The following DHX35 variants were observed in gnomAD, a reference collection of about 807,000 sequenced individuals.
The protein encoded by DHX35 is DEAH-box helicase 35, also known as probable ATP-dependent RNA helicase DHX35.
Under a neutral mutation model 99.6 loss-of-function variants are expected in DHX35, and 84 were observed. The observed-to-expected ratio is 0.84, with a 90% CI of 0.71 to 1.01. DHX35 has a LOEUF of 1.01. DHX35 is among the 50% of genes least tolerant of loss of function. The pLI is 0.00. For synonymous variants in DHX35, 331 were observed against 316.2 expected, an observed-to-expected ratio of 1.05 and a Z score of -0.50; for missense variants, 852 against 888.5, an observed-to-expected ratio of 0.96 and a Z score of 0.52.
intron 17 of DHX35, among the ~76,000 whole-genome samples, chr20:39,024,125 G>A (rs567553883): frequency 6.6e-6 from 1 of 152,356 alleles, no homozygotes; most frequent in African/African-American, 2.4e-5. Context: ...GGTGAATGAG[G>A]CTGAGAGCAA....
At chr20:38,972,199 AG>A in intron 2 of DHX35, among the ~76,000 whole-genome samples, 1 of 152,008 alleles carries the variant, frequency 6.6e-6, no homozygotes, top group Middle Eastern at 3.4e-3. Context: ...TAGTAGAGAC[AG>A]GGTTTCACCA....
intron 1 of DHX35, among the ~76,000 whole-genome samples, chr20:38,967,676 A>G (rs151107310): frequency 6.6e-6 from 1 of 152,222 alleles, no homozygotes; most frequent in Non-Finnish European, 1.5e-5. Context: ...TGGCTTCCCT[A>G]TTCTTCACCA....
chr20:38,967,406 AT>A (rs933855299), intron 1 of DHX35, among the ~76,000 whole-genome samples: 15 of 152,062 alleles, frequency 9.9e-5, no homozygotes, highest in Non-Finnish European at 2.2e-4. Flanking sequence ...TCTAGGGAGG[AT>A]TTTTATTCAT....
At chr20:39,036,726 CAAAAAAAAAAAA>C (rs60032935) in intron 21 of DHX35, among the ~76,000 whole-genome samples, 1 of 51,664 alleles carries the variant, frequency 1.9e-5, no homozygotes, top group Admixed American at 2.7e-4. Flanking sequence ...ACTGTCCCCC[CAAAAAAAAAAAA>C]AAAAAAAAAA....
At chr20:38,995,759 G>A (rs540667531) in intron 8 of DHX35, among the ~76,000 whole-genome samples, 1 of 152,296 alleles carries the variant, frequency 6.6e-6, no homozygotes, top group South Asian at 2.1e-4. Flanking sequence ...CCAGCTGGGG[G>A]GTGTCCAGAA....
At chr20:38,988,683 TTG>T in intron 4 of DHX35, 128 bp from the exon 5 acceptor site, 2 of 1,294,800 alleles carry the variant, frequency 1.5e-6, no homozygotes, top group Non-Finnish European at 2.1e-6. Flanking sequence ...CTCTAATAAC[TTG>T]TCTCTTTTCA....
intron 10 of DHX35, among the ~76,000 whole-genome samples, chr20:39,003,235 T>G (rs922593713): frequency 2.0e-5 from 3 of 152,180 alleles, no homozygotes; most frequent in African/African-American, 4.8e-5. Context: ...TTACAGCTCA[T>G]CCTGGAGGTG....
chr20:39,004,888 CCCTTG>C (rs2086587852), intron 11 of DHX35, among the ~76,000 whole-genome samples: 1 of 152,130 alleles, frequency 6.6e-6, no homozygotes, highest in African/African-American at 2.4e-5. Context: ...GGTGCTCAGC[CCCTTG>C]ACCATTGGGA....
chr20:38,988,036 G>C (rs1481922699), intron 4 of DHX35, among the ~76,000 whole-genome samples: 1 of 152,134 alleles, frequency 6.6e-6, no homozygotes, highest in Non-Finnish European at 1.5e-5. Context: ...TTCTTTTCGA[G>C]CGTGGAGATG....
intron 12 of DHX35, among the ~76,000 whole-genome samples, chr20:39,007,002 G>C (rs1485289598): frequency 6.6e-6 from 1 of 152,186 alleles, no homozygotes; most frequent in East Asian, 1.9e-4. Context: ...CTTCTGTGGG[G>C]AATGCTGCTG....
chr20:39,036,748 AAAAAG>A (rs2087159233), intron 21 of DHX35, among the ~76,000 whole-genome samples: 2 of 151,536 alleles, frequency 1.3e-5, no homozygotes, highest in Non-Finnish European at 2.9e-5. Flanking sequence ...AAAAAAAAAA[AAAAAG>A]AAATCACCTA....
intron 4 of DHX35, among the ~76,000 whole-genome samples, chr20:38,984,675 T>C (rs998918812): frequency 2.0e-5 from 3 of 152,220 alleles, no homozygotes; most frequent in Non-Finnish European, 4.4e-5. Flanking sequence ...TATTCTTCTT[T>C]CCACCTTCCC....
intron 20 of DHX35, among the ~76,000 whole-genome samples, chr20:39,033,354 T>C (rs941467878): frequency 6.6e-6 from 1 of 152,208 alleles, no homozygotes; most frequent in African/African-American, 2.4e-5. Context: ...CTTTTCTTTT[T>C]CTTGCTTCAT....
In DHX35 at chr20:38,988,341, A is replaced by C. The variant is rs2086280612; in HGVS notation, c.346-472A>C. Reference sequence around the variant, plus strand: ...TAGAATGAAGTGAGATACATAAGTTAATAATTGGCTGGGTGTGGTGGCTCA... The same window carrying C: ...TAGAATGAAGTGAGATACATAAGTTCATAATTGGCTGGGTGTGGTGGCTCA... On this transcript the variant is annotated intron_variant, in intron 4 of 21. Coordinates refer to ENST00000252011, the MANE Select transcript of DHX35 (RefSeq NM_021931.4). Among the ~76,000 whole-genome samples the C allele has an allele frequency of 3.3e-5, 5 of 152,302 alleles. No individual in the cohort carries two copies. In the South Asian group the frequency reaches 1.0e-3, roughly 32 times the overall value.
chr20:38,973,914 C>G (rs920147764), intron 3 of DHX35, among the ~76,000 whole-genome samples: 7 of 152,218 alleles, frequency 4.6e-5, no homozygotes, highest in African/African-American at 1.7e-4. Flanking sequence ...GTATTCCACT[C>G]TATGAGTATT....
chr20:38,969,285 G>A, intron 2 of DHX35, 71 bp downstream of exon 2: 4 of 1,487,686 alleles, frequency 2.7e-6, no homozygotes, highest in Non-Finnish European at 3.6e-6. Flanking sequence ...GCTCAGCACT[G>A]AAGGGAATGA....
At chr20:38,967,232 C>G (rs962964938) in intron 1 of DHX35, among the ~76,000 whole-genome samples, 2 of 152,124 alleles carry the variant, frequency 1.3e-5, no homozygotes, top group Non-Finnish European at 2.9e-5. Context: ...TCTGAGAACC[C>G]TAAAAAGTGT....
intron 3 of DHX35, chr20:38,978,007 G>C (rs1393799674): frequency 1.3e-5 from 9 of 710,656 alleles, no homozygotes; most frequent in East Asian, 1.1e-4. Flanking sequence ...TCACCTTCCA[G>C]ATATACTTAA....
At chr20:39,035,809 C>A (rs1430134262) in intron 21 of DHX35, among the ~76,000 whole-genome samples, 1 of 152,210 alleles carries the variant, frequency 6.6e-6, no homozygotes, top group African/African-American at 2.4e-5. Context: ...CCAGCAAAGT[C>A]AAGGGACATT....
Sources: allele counts gnomAD v4.1 joint callset (sites outside exome capture counted in the v4.1 genomes callset), GRCh38; gene constraint gnomAD v4.1.1; transcripts MANE v1.5; gene names NCBI Gene and HGNC (gene_info 2026-07-23, HGNC 2026-07-21).